Variants in FAM241A observed in about 807,000 individuals in gnomAD.
The protein encoded by FAM241A is uncharacterized protein FAM241A.
Under a neutral mutation model 12.2 loss-of-function variants are expected in FAM241A, and 7 were observed. The observed-to-expected ratio is 0.58, with a 90% CI of 0.33 to 1.08. FAM241A has a LOEUF of 1.08. FAM241A is among the 50% of genes least tolerant of loss of function. The pLI is 0.04. For missense variants in FAM241A, 161 were observed against 169.7 expected (o/e 0.95, Z 0.29); for synonymous variants, 74 against 68.2 (o/e 1.08, Z -0.42).
chr4:112,173,049 C>G (rs146528827), intron 1 of FAM241A, among the ~76,000 whole-genome samples: 2 of 151,972 alleles, frequency 1.3e-5, no homozygotes, highest in Non-Finnish European at 2.9e-5. Flanking sequence ...CACCATACCC[C>G]GCTAACTTCT....
At chr4:112,150,861 A>G (rs1429104596) in intron 1 of FAM241A, among the ~76,000 whole-genome samples, 1 of 152,266 alleles carries the variant, frequency 6.6e-6, no homozygotes, top group Non-Finnish European at 1.5e-5. Flanking sequence ...AATTAATAAT[A>G]TATGAGATGT....
intron 1 of FAM241A, among the ~76,000 whole-genome samples, chr4:112,156,880 G>T (rs1365606279): frequency 6.6e-6 from 1 of 152,114 alleles, no homozygotes; most frequent in Non-Finnish European, 1.5e-5. Flanking sequence ...GAAGGTAAAA[G>T]GCTAACACAC....
intron 1 of FAM241A, among the ~76,000 whole-genome samples, chr4:112,182,627 TG>T (rs1723962614): frequency 6.6e-6 from 1 of 152,194 alleles, no homozygotes. Flanking sequence ...TACAGTGAAG[TG>T]CTGGTGCTGG....
intron 1 of FAM241A, among the ~76,000 whole-genome samples, chr4:112,153,910 ATTTAT>A (rs1412655920): frequency 1.3e-5 from 2 of 152,190 alleles, no homozygotes; most frequent in Non-Finnish European, 2.9e-5. Context: ...TTTTTACAGT[ATTTAT>A]TTTCATGTAA....
chr4:112,158,848 A>C (rs747619908), intron 1 of FAM241A, among the ~76,000 whole-genome samples: 16 of 152,098 alleles, frequency 1.1e-4, no homozygotes, highest in Non-Finnish European at 1.9e-4. Context: ...GGAACATTCA[A>C]ATATTCTCTT....
chr4:112,192,394 G>A lies in FAM241A; in HGVS notation c.*5456G>A, dbSNP rs1340053510. ...AAGTTTTAGGGTACATGTGTACAAT[G>A]TGCAGGTTAGTTACATATGTATACA... On this transcript the variant is annotated 3_prime_UTR_variant, in exon 2 of 2. Transcript: ENST00000309733. 2 of 151,566 alleles carry A rather than the reference G, an allele frequency of 1.3e-5. No individual in the cohort carries two copies. Among genetic ancestry groups the A allele is most frequent in the African/African-American group, 4.9e-5 (2 of 41,162 alleles). 9.4% of individuals were successfully genotyped at this position (151,566 alleles called of 1,614,324 possible). A position where few individuals can be genotyped will look rare whatever the true frequency, so the allele number is the denominator to read the frequency against.
At chr4:112,161,137 G>C (rs897704184) in intron 1 of FAM241A, among the ~76,000 whole-genome samples, 5 of 152,154 alleles carry the variant, frequency 3.3e-5, no homozygotes, top group African/African-American at 1.2e-4. Flanking sequence ...CAACATAACA[G>C]AATCTCTGGG....
At position 112,186,695 on chromosome 4, in the gene FAM241A, T is replaced by A. The variant is rs1327721348; in HGVS notation, c.156T>A (p.Asp52Glu). ...RGQRPKESEQ[D>E]VEDSQNHTGE... Reference sequence around the variant, plus strand: ...TGTCTTTTTTTTTTTTTTTAAAGGATGTTGAAGACTCACAGAACCACACTG... The same window carrying A: ...TGTCTTTTTTTTTTTTTTTAAAGGAAGTTGAAGACTCACAGAACCACACTG... The change falls in exon 2 of 2, where the codon GAT (aspartate) becomes GAA (glutamate). Residue 52 changes from aspartate (D) to glutamate (E), a missense_variant and splice_region_variant. Asp to Glu is a conservative substitution (Grantham distance 45). Coordinates refer to ENST00000309733, the MANE Select transcript of FAM241A (RefSeq NM_152400.3). The A allele has an allele frequency of 6.2e-7, 1 of 1,601,862 alleles. No homozygotes were observed. The highest frequency in any genetic ancestry group is 1.7e-5 in the Admixed American group (1 of 57,356).
chr4:112,162,900 A>G (rs1287331251), intron 1 of FAM241A, among the ~76,000 whole-genome samples: 1 of 152,208 alleles, frequency 6.6e-6, no homozygotes, highest in Non-Finnish European at 1.5e-5. Context: ...ACACTACCTG[A>G]CTTCAAACTG....
intron 1 of FAM241A, among the ~76,000 whole-genome samples, chr4:112,165,086 A>T (rs1380532885): frequency 6.6e-6 from 1 of 152,194 alleles, no homozygotes; most frequent in East Asian, 1.9e-4. Context: ...GGATGACAGA[A>T]TGAGACCCTG....
intron 1 of FAM241A, among the ~76,000 whole-genome samples, chr4:112,161,431 G>A (rs1723466389): frequency 2.0e-5 from 3 of 151,782 alleles, no homozygotes. Flanking sequence ...AATAAAGAAG[G>A]AAAAAGAGAA....
rs1328045164 is a variant in FAM241A, at chr4:112,190,381, A to G, written c.*3443A>G. ...TATGGCTTTACAATTGAAGGGAGAAAAAAAAATGTAAGACGGCCAGGCGCG... is the reference window on the plus strand; with the variant it reads ...TATGGCTTTACAATTGAAGGGAGAAGAAAAAATGTAAGACGGCCAGGCGCG... On this transcript the variant is annotated 3_prime_UTR_variant, in exon 2 of 2. Transcript: ENST00000309733. 6.6e-6 allele frequency: 1 copy of G among 152,124 alleles called. No homozygotes were observed. The highest frequency in any genetic ancestry group is 1.5e-5 in the Non-Finnish European group (1 of 68,014). The allele number at this position is 152,124 out of a possible 1,614,324, so 9.4% of individuals were successfully genotyped here.
chr4:112,179,914 G>GAAATATATATATATATATATAT, intron 1 of FAM241A, among the ~76,000 whole-genome samples: 1 of 117,770 alleles, frequency 8.5e-6, no homozygotes, highest in Admixed American at 8.9e-5. Context: ...AAGAAAATGT[G>GAAATATATATATATATATATAT]ATATATATAT....
In FAM241A at chr4:112,192,377, G is replaced by A. The variant is rs1451294804; in HGVS notation, c.*5439G>A. ...TATTGTTATTATACTTTAAGTTTTA[G>A]GGTACATGTGTACAATGTGCAGGTT... On this transcript the variant is annotated 3_prime_UTR_variant, in exon 2 of 2. Coordinates refer to ENST00000309733, the MANE Select transcript of FAM241A (RefSeq NM_152400.3). 2 of 151,024 alleles carry A rather than the reference G, an allele frequency of 1.3e-5. No homozygotes were observed. Among genetic ancestry groups the A allele is most frequent in the African/African-American group, 4.9e-5 (2 of 40,958 alleles). The allele number at this position is 151,024 out of a possible 1,614,324, so 9.4% of individuals were successfully genotyped here.
chr4:112,173,009 T>C (rs1029241544), intron 1 of FAM241A, among the ~76,000 whole-genome samples: 4 of 152,270 alleles, frequency 2.6e-5, no homozygotes, highest in South Asian at 2.1e-4. Context: ...TACCTCAGCC[T>C]CCTGAGCAGC....
rs757395896 is a variant in FAM241A at position 112,195,239 on chromosome 4, A to C, written c.*8301A>C. 5 of 152,206 alleles carry C rather than the reference A, an allele frequency of 3.3e-5. No homozygotes were observed. Among genetic ancestry groups the C allele is most frequent in the Non-Finnish European group, 7.3e-5 (5 of 68,040 alleles). The allele number at this position is 152,206 out of a possible 1,614,324, so 9.4% of individuals were successfully genotyped here. ...ATATACTTTGTTATTCTTTCTAATA[A>C]ATAATACTCTTTTACAACTCTGCCT... On this transcript the variant is annotated 3_prime_UTR_variant, in exon 2 of 2. Coordinates refer to ENST00000309733, the MANE Select transcript of FAM241A (RefSeq NM_152400.3).
In FAM241A at chr4:112,191,680, ACAT is replaced by A. The variant is rs1724166971; in HGVS notation, c.*4746_*4748del. Reference sequence around the variant, plus strand: ...ACACAGCCTTAAGACCTCAAGTGAGACATCATGTCCTCCAGGGAAACTTCTCTG... The same window carrying A: ...ACACAGCCTTAAGACCTCAAGTGAGACATGTCCTCCAGGGAAACTTCTCTG... On this transcript the variant is annotated 3_prime_UTR_variant, in exon 2 of 2. Transcript: ENST00000309733. 1 of 152,126 alleles carries A rather than the reference ACAT, an allele frequency of 6.6e-6. No homozygotes were observed. The highest frequency in any genetic ancestry group is 1.5e-5 in the Non-Finnish European group (1 of 68,038). 9.4% of individuals were successfully genotyped at this position (152,126 alleles called of 1,614,324 possible).
Position 112,189,898 on chromosome 4 carries a change from AC to A in FAM241A, c.*2963del, listed in dbSNP as rs1229170025. 5 of 150,688 alleles carry A rather than the reference AC, an allele frequency of 3.3e-5. No individual in the cohort carries two copies. Among genetic ancestry groups the A allele is most frequent in the African/African-American group, 4.9e-5 (2 of 40,876 alleles). The allele number at this position is 150,688 out of a possible 1,614,324, so 9.3% of individuals were successfully genotyped here. On this transcript the variant is annotated 3_prime_UTR_variant, in exon 2 of 2. Coordinates refer to ENST00000309733, the MANE Select transcript of FAM241A (RefSeq NM_152400.3). ...CCAGCTGTTAAACATACATCAGCAC[AC>A]CCTAGAGGCCACATTCCCATTTCTA...
At chr4:112,166,459 T>G (rs1431793475) in intron 1 of FAM241A, among the ~76,000 whole-genome samples, 1 of 152,138 alleles carries the variant, frequency 6.6e-6, no homozygotes, top group Non-Finnish European at 1.5e-5. Flanking sequence ...TCCTTTACAA[T>G]AAGAGATTTA....
Sources: gnomAD v4.1 joint callset for allele counts (sites outside exome capture counted in the v4.1 genomes callset) on GRCh38, gnomAD v4.1.1 for gene constraint, MANE v1.5 for transcripts, NCBI Gene and HGNC (gene_info 2026-07-23, HGNC 2026-07-21) for gene names.